PRRC2B: variants seen among roughly 807,000 people sequenced by gnomAD.
PRRC2B encodes proline rich coiled-coil 2B, also known as protein PRRC2B.
Under a neutral mutation model 242.3 loss-of-function variants are expected in PRRC2B, and 68 were observed. That is an observed-to-expected ratio of 0.28 (90% confidence interval 0.23 to 0.34). The LOEUF is 0.34. Ranked by LOEUF, PRRC2B falls within the 10% of genes least tolerant of loss-of-function variation. PRRC2B has a pLI of 1.00. For missense variants in PRRC2B, 2,835 were observed against 2,954.8 expected (o/e 0.96, Z 0.94); for synonymous variants, 1,228 against 1,173.6 (o/e 1.05, Z -0.95).
intron 23 of PRRC2B, among the ~76,000 whole-genome samples, chr9:131,484,284 A>C (rs1943952860): frequency 6.6e-6 from 1 of 152,148 alleles, no homozygotes; most frequent in Non-Finnish European, 1.5e-5. Context: ...CTTCTGAACC[A>C]GATGTTTGTG....
At chr9:131,480,769 T>C (rs1214599418) in intron 19 of PRRC2B, among the ~76,000 whole-genome samples, 2 of 152,018 alleles carry the variant, frequency 1.3e-5, no homozygotes, top group Non-Finnish European at 2.9e-5. Context: ...AACTTTTGCA[T>C]GCATATCTAT....
intron 18 of PRRC2B, among the ~76,000 whole-genome samples, chr9:131,479,032 C>T (rs1943784829): frequency 6.6e-6 from 1 of 152,090 alleles, no homozygotes; most frequent in Admixed American, 6.5e-5. Flanking sequence ...CAGGGCTGGA[C>T]CTGCACACAG....
intron 16 of PRRC2B, among the ~76,000 whole-genome samples, chr9:131,477,094 C>T (rs1486584569): frequency 6.6e-6 from 1 of 152,214 alleles, no homozygotes; most frequent in African/African-American, 2.4e-5. Context: ...CTTCCACAGC[C>T]AGAGGCATTC....
At chr9:131,420,491 TTC>T (rs1491373951) in intron 1 of PRRC2B, among the ~76,000 whole-genome samples, 12 of 22,998 alleles carry the variant, frequency 5.2e-4, no homozygotes, top group South Asian at 2.7e-3. Flanking sequence ...CTTTCTTTCT[TTC>T]TTTTTTTTTT....
chr9:131,430,060 CTTTT>C (rs112930686), intron 1 of PRRC2B, 30 bp from the exon 2 acceptor site: 4 of 475,570 alleles, frequency 8.4e-6, no homozygotes, highest in South Asian at 2.7e-5. Flanking sequence ...TTTTCTCTCT[CTTTT>C]TTTTTTTTTC....
At chr9:131,478,438 GGAAA>G in intron 17 of PRRC2B, 32 bp from the exon 18 acceptor site, 1 of 1,606,772 alleles carries the variant, frequency 6.2e-7, no homozygotes, top group Non-Finnish European at 8.5e-7. Flanking sequence ...CCTGGTGAGT[GGAAA>G]GACTGTTCCT....
At chr9:131,387,536 T>C (rs1372196031) in intron 1 of PRRC2B, among the ~76,000 whole-genome samples, 1 of 150,496 alleles carries the variant, frequency 6.6e-6, no homozygotes, top group African/African-American at 2.4e-5. Flanking sequence ...ACTAAGTCCT[T>C]GTCCTCCTGA....
intron 9 of PRRC2B, among the ~76,000 whole-genome samples, chr9:131,453,966 A>C (rs1339619601): frequency 6.6e-6 from 1 of 152,204 alleles, no homozygotes. Flanking sequence ...AACTACCACC[A>C]CTATTCAATT....
Position 131,470,768 on chromosome 9 carries a change from C to G in PRRC2B, c.1912-20C>G, listed in dbSNP as rs755173660. ...CCTGGCCGCACCAGCCTGACCAAGT[C>G]TCTCTCTCTCTGTGGGCAGGAGCAG... On this transcript the variant is annotated intron_variant, in intron 13 of 31. Coordinates refer to ENST00000683519, the MANE Select transcript of PRRC2B (RefSeq NM_013318.4). The G allele has an allele frequency of 2.2e-6, 3 of 1,394,716 alleles. No individual in the cohort carries two copies. The allele number at this position is 1,394,716 out of a possible 1,614,324, so 86.4% of individuals were successfully genotyped here.
At chr9:131,409,582 C>T (rs1837453672) in intron 1 of PRRC2B, among the ~76,000 whole-genome samples, 1 of 152,214 alleles carries the variant, frequency 6.6e-6, no homozygotes, top group African/African-American at 2.4e-5. Flanking sequence ...CATTTCAGTA[C>T]AGTGGAGCCT....
intron 1 of PRRC2B, among the ~76,000 whole-genome samples, chr9:131,412,857 G>A (rs1056696014): frequency 1.4e-5 from 2 of 146,438 alleles, no homozygotes. Flanking sequence ...GCAGTGAGAC[G>A]ATTATAGGTC....
At chr9:131,429,312 A>G (rs1838062054) in intron 1 of PRRC2B, among the ~76,000 whole-genome samples, 1 of 152,080 alleles carries the variant, frequency 6.6e-6, no homozygotes, top group Non-Finnish European at 1.5e-5. Flanking sequence ...TGAGGAGAGC[A>G]CTAGTAGACT....
intron 9 of PRRC2B, among the ~76,000 whole-genome samples, chr9:131,450,304 A>C (rs568047259): frequency 6.8e-6 from 1 of 147,274 alleles, no homozygotes; most frequent in Non-Finnish European, 1.5e-5. Context: ...GTCTTGCTCT[A>C]TTGCCCAGGC....
rs752089772 is a variant in PRRC2B at position 131,485,060 on chromosome 9, G to A, written c.5678G>A (p.Gly1893Glu). The change falls in exon 25 of 32, where the codon GGG becomes GAG. Residue 1893 changes from glycine to glutamate, a missense_variant. Transcript: ENST00000683519. Reference sequence around the variant, plus strand: ...CCATCCTCTGTGGGTGCCTCCAGCGGGGTCAACTACAGCTCCTTCGGTGGA... The same window carrying A: ...CCATCCTCTGTGGGTGCCTCCAGCGAGGTCAACTACAGCTCCTTCGGTGGA... ...QPPSSVGASSGVNYSSFGGVS... is the reference protein window; with the variant it reads ...QPPSSVGASSEVNYSSFGGVS... 6.2e-7 allele frequency: 1 copy of A among 1,609,612 alleles called. No individual in the cohort carries two copies. The highest frequency in any genetic ancestry group is 1.1e-5 in the South Asian group (1 of 90,108).
Position 131,448,820 on chromosome 9 carries a change from T to C in PRRC2B, c.1120+1016T>C, listed in dbSNP as rs371031756. ...TTTATTTTCAAGTAGATTTAAATTATAGTGAAAGGTACCCATATCACATTT... is the reference window on the plus strand; with the variant it reads ...TTTATTTTCAAGTAGATTTAAATTACAGTGAAAGGTACCCATATCACATTT... On this transcript the variant is annotated intron_variant, in intron 9 of 31. Transcript: ENST00000683519. 3.9e-5 allele frequency among the ~76,000 whole-genome samples: 6 copies of C among 152,258 alleles called. No individual in the cohort carries two copies. The South Asian group carries it at 1.2e-3, about 32-fold the overall frequency.
chr9:131,473,793 T>G, intron 15 of PRRC2B, 69 bp downstream of exon 15: 51 of 1,220,600 alleles, frequency 4.2e-5, no homozygotes, highest in Non-Finnish European at 5.9e-5. Flanking sequence ...GAGAGGGCCC[T>G]GGGATGAGCT....
intron 25 of PRRC2B, 32 bp from the exon 26 acceptor site, chr9:131,486,053 C>T (rs1944014741): frequency 1.4e-6 from 2 of 1,421,356 alleles, no homozygotes; most frequent in South Asian, 2.4e-5. Flanking sequence ...GCTTGATCCT[C>T]TTCTACGTCC....
intron 18 of PRRC2B, 23 bp downstream of exon 18, chr9:131,478,642 G>GGGGGGGC: frequency 4.1e-6 from 2 of 482,040 alleles, no homozygotes; most frequent in Non-Finnish European, 4.2e-6. Context: ...GGGTGGGGGG[G>GGGGGGGC]CATGGGGCTG....
chr9:131,403,195 C>G (rs1402814162), intron 1 of PRRC2B, among the ~76,000 whole-genome samples: 1 of 152,166 alleles, frequency 6.6e-6, no homozygotes, highest in African/African-American at 2.4e-5. Context: ...GCCTGCCTGC[C>G]CAACCGACCT....
Sources: gnomAD v4.1 joint callset for allele counts (sites outside exome capture counted in the v4.1 genomes callset) on GRCh38, gnomAD v4.1.1 for gene constraint, MANE v1.5 for transcripts, NCBI Gene and HGNC (gene_info 2026-07-23, HGNC 2026-07-21) for gene names.